SLC13A3: variants seen among roughly 807,000 people sequenced by gnomAD.
SLC13A3 encodes Na(+)/dicarboxylate cotransporter 3.
Under a neutral mutation model 59.0 loss-of-function variants are expected in SLC13A3, and 40 were observed. That is an observed-to-expected ratio of 0.68 (90% CI 0.53 to 0.88). The LOEUF is 0.88. Among genes scored for constraint, SLC13A3 ranks in the 40% least tolerant of loss-of-function variants. The probability of loss-of-function intolerance (pLI) is 0.00; values close to 1 mark genes in which losing one functional copy is unlikely to be tolerated. For missense variants in SLC13A3, 699 were observed against 783.2 expected (o/e 0.89, Z 1.28); for synonymous variants, 317 against 330.3 (o/e 0.96, Z 0.44).
intron 1 of SLC13A3, among the ~76,000 whole-genome samples, chr20:46,623,341 A>G (rs1400455923): frequency 2.0e-5 from 3 of 152,200 alleles, no homozygotes; most frequent in African/African-American, 7.2e-5. Flanking sequence ...TCTAAGTTTC[A>G]GGCGTCTTCT....
intron 10 of SLC13A3, among the ~76,000 whole-genome samples, chr20:46,573,004 C>A (rs1267386202): frequency 6.6e-6 from 1 of 152,220 alleles, no homozygotes; most frequent in Non-Finnish European, 1.5e-5. Flanking sequence ...ACCTCTGCTA[C>A]TAATGAGCTG....
chr20:46,595,280 C>T (rs182906171), intron 5 of SLC13A3, among the ~76,000 whole-genome samples: 4 of 152,290 alleles, frequency 2.6e-5, no homozygotes, highest in East Asian at 1.9e-4. Flanking sequence ...ATAATGGGAG[C>T]GGCACGTTGT....
At chr20:46,621,362 C>G (rs781329465) in intron 1 of SLC13A3, among the ~76,000 whole-genome samples, 7 of 152,128 alleles carry the variant, frequency 4.6e-5, no homozygotes, top group Non-Finnish European at 8.8e-5. Context: ...CTTTAAAGAG[C>G]ACCCATTTTT....
At chr20:46,658,613 C>T (rs1259458714) in intron 1 of SLC13A3, among the ~76,000 whole-genome samples, 7 of 152,134 alleles carry the variant, frequency 4.6e-5, no homozygotes, top group Admixed American at 4.6e-4. Flanking sequence ...CCCAGGAGTT[C>T]GAGACCAGCC....
intron 1 of SLC13A3, among the ~76,000 whole-genome samples, chr20:46,622,103 C>T (rs1466059238): frequency 2.0e-5 from 3 of 152,196 alleles, no homozygotes; most frequent in African/African-American, 7.2e-5. Flanking sequence ...ATCTTGTTCA[C>T]GTCTGTGTCC....
chr20:46,578,475 A>G (rs796255766), intron 9 of SLC13A3, among the ~76,000 whole-genome samples: 25 of 151,878 alleles, frequency 1.6e-4, no homozygotes, highest in African/African-American at 6.0e-4. Context: ...CAGGAGTTCA[A>G]GATCAGCCTG....
chr20:46,597,633 C>T (rs746753037), intron 4 of SLC13A3, among the ~76,000 whole-genome samples: 1 of 152,118 alleles, frequency 6.6e-6, no homozygotes, highest in Non-Finnish European at 1.5e-5. Context: ...GACAGGGTTT[C>T]ACCATGTTGG....
upstream of SLC13A3, among the ~76,000 whole-genome samples, chr20:46,651,892 G>C (rs1206102253): frequency 6.6e-6 from 1 of 152,212 alleles, no homozygotes; most frequent in Non-Finnish European, 1.5e-5. Context: ...CTACACCATG[G>C]AATACTATGC....
intron 5 of SLC13A3, among the ~76,000 whole-genome samples, chr20:46,595,314 CTCTTTTCTCTTT>C (rs996618644): frequency 2.2e-4 from 33 of 152,276 alleles, no homozygotes; most frequent in African/African-American, 7.9e-4. Context: ...CTTTTCTTTT[CTCTTTTCTCTTT>C]TCTTTTCTTT....
At chr20:46,627,411 G>A (rs763028451) in intron 1 of SLC13A3, among the ~76,000 whole-genome samples, 4 of 152,090 alleles carry the variant, frequency 2.6e-5, no homozygotes, top group Admixed American at 6.5e-5. Context: ...AGTGCAATAG[G>A]GAGGGGCGGG....
Position 46,646,770 on chromosome 20 carries a change from A to C in SLC13A3, c.111+4541T>G, listed in dbSNP as rs550754322. ...AGAATTTATAGTACAGGCACAATGT[A>C]TTAACTCACTGTGGCCAGAAAATAA... is the stretch of plus-strand genomic sequence containing the variant. On this transcript the variant is annotated intron_variant, in intron 1 of 12. Coordinates refer to ENST00000279027, the MANE Select transcript of SLC13A3 (RefSeq NM_022829.6). Among the ~76,000 whole-genome samples the C allele has an allele frequency of 1.6e-4, 25 of 152,374 alleles. No homozygotes were observed. In the South Asian group the frequency reaches 5.0e-3, roughly 30 times the overall value.
rs978185244 is a variant in SLC13A3, at chr20:46,681,351, G to C, written c.-31+3045C>G. On this transcript the variant is annotated intron_variant, in intron 1 of 6. Coordinates refer to the SLC13A3 transcript ENST00000372121. The stretch of plus-strand genomic sequence containing the variant: ...TGAGTGAATAAATGAACACGTTCAA[G>C]GAAAGGAGGGAGGGAGAGAGGGGCA... Among the ~76,000 whole-genome samples the C allele has an allele frequency of 3.9e-5, 6 of 152,062 alleles. 1 individual carries two copies. Among genetic ancestry groups the C allele is most frequent in the African/African-American group, 1.4e-4 (6 of 41,390 alleles).
At chr20:46,565,595 A>T (rs1225027977) in intron 11 of SLC13A3, among the ~76,000 whole-genome samples, 1 of 152,186 alleles carries the variant, frequency 6.6e-6, no homozygotes, top group Non-Finnish European at 1.5e-5. Flanking sequence ...AAGTGCTGGG[A>T]TTACAGGCAT....
At chr20:46,656,029 T>C (rs1312166402), upstream of SLC13A3, among the ~76,000 whole-genome samples, 1 of 143,634 alleles carries the variant, frequency 7.0e-6, no homozygotes, top group Non-Finnish European at 1.5e-5. Context: ...TATATATACA[T>C]ATACTACAGT....
At position 46,595,181 on chromosome 20, in the gene SLC13A3, C is replaced by A. The variant is rs73622676; in HGVS notation, c.794+976G>T. On this transcript the variant is annotated intron_variant, in intron 5 of 12. Transcript: ENST00000279027. ...TCTCCACTGCAAGGAATCTTAGAAA[C>A]CCTGCCTCGGAATCCTGGAACCTAA... Among the ~76,000 whole-genome samples, 1,067 of 152,294 alleles carry A rather than the reference C, an allele frequency of 7.0e-3. 15 individuals are homozygous for A. Among genetic ancestry groups the A allele is most frequent in the East Asian group, 0.066 (342 of 5,190 alleles).
intron 3 of SLC13A3, among the ~76,000 whole-genome samples, chr20:46,600,324 A>AAGGAAGGAAAGGAAGGAAGGAAAGG (rs61169434): frequency 1.2e-5 from 1 of 83,804 alleles, no homozygotes; most frequent in Non-Finnish European, 2.3e-5. Context: ...GGAAGGAAGG[A>AAGGAAGGAAAGGAAGGAAGGAAAGG]AAGGAAGGAA....
intron 9 of SLC13A3, chr20:46,582,987 C>T: frequency 1.0e-6 from 1 of 985,628 alleles, no homozygotes; most frequent in Non-Finnish European, 1.2e-6. Flanking sequence ...CCTCAGTCCC[C>T]AACACTTCCT....
intron 3 of SLC13A3, among the ~76,000 whole-genome samples, chr20:46,601,594 C>T (rs566780056): frequency 3.9e-5 from 6 of 152,272 alleles, no homozygotes; most frequent in Non-Finnish European, 7.4e-5. Flanking sequence ...AAGTAATATA[C>T]GCAGTATGTC....
chr20:46,579,575 C>T (rs182098196), intron 9 of SLC13A3, among the ~76,000 whole-genome samples: 171 of 152,276 alleles, frequency 1.1e-3, no homozygotes, highest in African/African-American at 3.0e-3. Flanking sequence ...TCACTGGTGG[C>T]CAAAGGACAG....
Sources: gnomAD v4.1 joint callset for allele counts (sites outside exome capture counted in the v4.1 genomes callset) on GRCh38, gnomAD v4.1.1 for gene constraint, MANE v1.5 for transcripts, NCBI Gene and HGNC (gene_info 2026-07-23, HGNC 2026-07-21) for gene names.